Variants in ITLN2 observed in about 807,000 individuals in gnomAD.
ITLN2 encodes intelectin-2.
In ITLN2, 29 loss-of-function variants were observed where a neutral mutation model predicts 39.4. The observed-to-expected ratio is 0.74, with a 90% CI of 0.55 to 1.00. ITLN2 has a LOEUF of 1.00. Ranked by LOEUF, ITLN2 falls within the 50% of genes least tolerant of loss-of-function variation. The pLI is 0.00. For missense variants in ITLN2, 412 were observed against 416.7 expected (o/e 0.99, Z 0.10); for synonymous variants, 156 against 153.4 (o/e 1.02, Z -0.12).
chr1:160,948,099 G>A, intron 6 of ITLN2, 67 bp from the exon 7 acceptor site: 2 of 1,329,866 alleles, frequency 1.5e-6, no homozygotes, highest in Non-Finnish European at 2.2e-6. Flanking sequence ...CATCCCATTG[G>A]CCAGTCCAGG....
rs761899778 is a variant in ITLN2, at chr1:160,950,625, G to A, written c.528C>T (p.Ser176=). Residue 176 remains serine, a synonymous_variant, in exon 5 of 8, where the codon AGC becomes AGT. Transcript: ENST00000368029. ...NKSPMQHWRN[S]ALLRYRTNTG... ...TGTTGGTGCGGTACCTCAGCAGGGC[G>A]CTGTTTCTCCAATGCTGCATGGGGG... The A allele has an allele frequency of 7.1e-5, 114 of 1,614,096 alleles. No homozygotes were observed. The highest frequency in any genetic ancestry group is 9.1e-5 in the Non-Finnish European group (107 of 1,180,038).
At chr1:160,947,677 CAT>C (rs1400930168) in intron 7 of ITLN2, among the ~76,000 whole-genome samples, 6 of 152,202 alleles carry the variant, frequency 3.9e-5, no homozygotes, top group African/African-American at 1.4e-4. Flanking sequence ...TGCCTGCAAA[CAT>C]ATTGTTAACA....
Position 160,952,617 on chromosome 1 carries a change from C to T in ITLN2, c.193+3G>A. Reference sequence around the variant, plus strand: ...GAGAATGCTGAGTTGGTTCATTACTCACCACCTGCACTATGGCAGCGTTCC... The same window carrying T: ...GAGAATGCTGAGTTGGTTCATTACTTACCACCTGCACTATGGCAGCGTTCC... On this transcript the variant is annotated splice_donor_region_variant and intron_variant, in intron 3 of 7. Coordinates refer to ENST00000368029, the MANE Select transcript of ITLN2 (RefSeq NM_080878.3). 6.2e-7 allele frequency: 1 copy of T among 1,604,734 alleles called. No homozygotes were observed. Among genetic ancestry groups the T allele is most frequent in the Non-Finnish European group, 8.5e-7 (1 of 1,171,430 alleles).
At position 160,954,759 on chromosome 1, in the gene ITLN2, G is replaced by T. The variant is rs757973614; in HGVS notation, c.-18C>A. 1 of 1,613,794 alleles carries T rather than the reference G, an allele frequency of 6.2e-7. No homozygotes were observed. The highest frequency in any genetic ancestry group is 1.1e-5 in the South Asian group (1 of 90,978). On this transcript the variant is annotated 5_prime_UTR_variant, in exon 1 of 8. Coordinates refer to ENST00000368029, the MANE Select transcript of ITLN2 (RefSeq NM_080878.3). ...GACAGCATCCTTACAGATGCCAGGAGCTGATAGTTCCCTTCCTGTGGACAC... is the reference window on the plus strand; with the variant it reads ...GACAGCATCCTTACAGATGCCAGGATCTGATAGTTCCCTTCCTGTGGACAC...
At chr1:160,948,151 A>G in intron 6 of ITLN2, 119 bp from the exon 7 acceptor site, 1 of 748,714 alleles carries the variant, frequency 1.3e-6, no homozygotes, top group South Asian at 1.6e-5. Flanking sequence ...CAAACACCCC[A>G]GGCTGTAGGG....
At chr1:160,950,381 T>C (rs78108520) in intron 5 of ITLN2, among the ~76,000 whole-genome samples, 172 bp downstream of exon 5, 1,636 of 152,280 alleles carry the variant, frequency 0.011, 17 homozygotes, top group Non-Finnish European at 0.014. Flanking sequence ...TCTTCCTTGC[T>C]GGCTTAGAGT....
rs1317122341 is a variant in ITLN2 at position 160,952,621 on chromosome 1, A to T, written c.192T>A (p.Gly64=). The change falls in exon 3 of 8, where the codon GGT becomes GGA. Residue 64 remains glycine (G), a splice_region_variant and synonymous_variant. Coordinates refer to ENST00000368029, the MANE Select transcript of ITLN2 (RefSeq NM_080878.3). ...KEIKERCHSA[G]DGLYFLRTKN... Reference sequence around the variant, plus strand: ...ATGCTGAGTTGGTTCATTACTCACCACCTGCACTATGGCAGCGTTCCTTGA... The same window carrying T: ...ATGCTGAGTTGGTTCATTACTCACCTCCTGCACTATGGCAGCGTTCCTTGA... 6 of 1,608,234 alleles carry T rather than the reference A, an allele frequency of 3.7e-6. No individual in the cohort carries two copies. The South Asian group carries it at 5.5e-5, about 15-fold the overall frequency.
In ITLN2 at chr1:160,951,315, C is replaced by T. The variant is rs201325134; in HGVS notation, c.194-25G>A. ...TCTGTAGAGAGAACCAGCCCAGAGC[C>T]TCCCTGTCTGAGAGCTCAGGGTTCA... is the stretch of plus-strand genomic sequence containing the variant. On this transcript the variant is annotated intron_variant, in intron 3 of 7. Coordinates refer to ENST00000368029, the MANE Select transcript of ITLN2 (RefSeq NM_080878.3). The T allele has an allele frequency of 1.0e-3, 1,581 of 1,546,400 alleles. 4 individuals are homozygous for T. The highest frequency in any genetic ancestry group is 1.2e-3 in the Non-Finnish European group (1,423 of 1,145,050).
intron 3 of ITLN2, chr1:160,951,560 C>A: frequency 2.5e-6 from 1 of 402,736 alleles, no homozygotes. Context: ...ACAGTGCCAC[C>A]CTGTGGCCAG....
Position 160,954,720 on chromosome 1 carries a change from T to C in ITLN2, c.15+7A>G. The C allele has an allele frequency of 6.2e-7, 1 of 1,614,084 alleles. No individual in the cohort carries two copies. The highest frequency in any genetic ancestry group is 8.5e-7 in the Non-Finnish European group (1 of 1,179,948). ...CCACACACATGGATCAAAAACATTT[T>C]TCTCACCAGCATGGACAGCATCCTT... is the stretch of plus-strand genomic sequence containing the variant. On this transcript the variant is annotated splice_region_variant and intron_variant, in intron 1 of 7. Coordinates refer to ENST00000368029, the MANE Select transcript of ITLN2 (RefSeq NM_080878.3).
intron 4 of ITLN2, 65 bp from the exon 5 acceptor site, chr1:160,950,776 G>A (rs1282631958): frequency 1.3e-5 from 21 of 1,566,716 alleles, no homozygotes; most frequent in Non-Finnish European, 1.8e-5. Context: ...AGGTCCACAT[G>A]TGCAGCCTCA....
At chr1:160,952,524 TC>T in intron 3 of ITLN2, 95 bp downstream of exon 3, 1 of 822,172 alleles carries the variant, frequency 1.2e-6, no homozygotes, top group Non-Finnish European at 2.0e-6. Flanking sequence ...CAGAACAGGC[TC>T]CATATGGATA....
intron 6 of ITLN2, 47 bp downstream of exon 6, chr1:160,949,999 G>A: frequency 1.9e-6 from 3 of 1,565,696 alleles, no homozygotes; most frequent in Non-Finnish European, 2.6e-6. Flanking sequence ...CATTCTCCAA[G>A]AGTACAAGAA....
intron 3 of ITLN2, 45 bp from the exon 4 acceptor site, chr1:160,951,335 G>T (rs1671739613): frequency 6.5e-7 from 1 of 1,531,130 alleles, no homozygotes; most frequent in South Asian, 1.3e-5. Context: ...GAGAGCTCAG[G>T]GTTCATCTCA....
intron 4 of ITLN2, 56 bp downstream of exon 4, chr1:160,950,987 G>A: frequency 6.2e-7 from 1 of 1,613,754 alleles, no homozygotes; most frequent in Non-Finnish European, 8.5e-7. Flanking sequence ...GCAGGCTGGT[G>A]GCCAGCCACA....
intron 7 of ITLN2, among the ~76,000 whole-genome samples, chr1:160,947,639 GA>G (rs1671636491): frequency 6.6e-6 from 1 of 152,214 alleles, no homozygotes; most frequent in Non-Finnish European, 1.5e-5. Context: ...CAAGAATGGA[GA>G]ATGGCGATGA....
In ITLN2 at chr1:160,952,737, GA is replaced by G; in HGVS notation, c.80-5del. The G allele has an allele frequency of 6.2e-7, 1 of 1,602,718 alleles. No homozygotes were observed. The stretch of plus-strand genomic sequence containing the variant: ...ATCTCAAGAGAAGAGGCTGCTGCTA[GA>G]AAATGTGAGAATGAGTCTCATTAGA... On this transcript the variant is annotated splice_polypyrimidine_tract_variant and splice_region_variant and intron_variant, in intron 2 of 7. Transcript: ENST00000368029.
Position 160,945,218 on chromosome 1 carries a change from C to A in ITLN2, c.900G>T (p.Trp300Cys). The change falls in exon 8 of 8, where the codon TGG (tryptophan) becomes TGT (cysteine). Residue 300 changes from tryptophan (W) to cysteine (C), a missense_variant. Coordinates refer to ENST00000368029, the MANE Select transcript of ITLN2 (RefSeq NM_080878.3). ...RQCGDFSAFDWDGYGTHVKSS... is the reference protein window; with the variant it reads ...RQCGDFSAFDCDGYGTHVKSS... ...TCTTAACGTGAGTTCCATATCCATCCCAGTCAAAGGCGGAGAAGTCCCCAC... is the reference window on the plus strand; with the variant it reads ...TCTTAACGTGAGTTCCATATCCATCACAGTCAAAGGCGGAGAAGTCCCCAC... 1 of 1,608,014 alleles carries A rather than the reference C, an allele frequency of 6.2e-7. No homozygotes were observed. The highest frequency in any genetic ancestry group is 1.1e-5 in the South Asian group (1 of 90,038).
Position 160,954,455 on chromosome 1 carries a change from G to A in ITLN2, c.16-5C>T, listed in dbSNP as rs777832206. ...GCAGAGTCTGGTCATTGTCCTCTAAGGAAAAACAAGATGCACAAGGTCACT... is the reference window on the plus strand; with the variant it reads ...GCAGAGTCTGGTCATTGTCCTCTAAAGAAAAACAAGATGCACAAGGTCACT... On this transcript the variant is annotated splice_polypyrimidine_tract_variant and splice_region_variant and intron_variant, in intron 1 of 7. Coordinates refer to ENST00000368029, the MANE Select transcript of ITLN2 (RefSeq NM_080878.3). The A allele has an allele frequency of 7.0e-6, 11 of 1,575,350 alleles. No individual in the cohort carries two copies. In the South Asian group the frequency reaches 1.3e-4, roughly 18 times the overall value.
Sources: allele counts gnomAD v4.1 joint callset (sites outside exome capture counted in the v4.1 genomes callset), GRCh38; gene constraint gnomAD v4.1.1; transcripts MANE v1.5; gene names NCBI Gene and HGNC (gene_info 2026-07-23, HGNC 2026-07-21).